The following TBC1D8 variants were observed in gnomAD, a reference collection of about 807,000 sequenced individuals.
The protein encoded by TBC1D8 is TBC1 domain family member 8.
TBC1D8 carries 65 observed loss-of-function variants against 118.8 expected under a neutral mutation model. The observed-to-expected ratio is 0.55, with a 90% CI of 0.45 to 0.67. The LOEUF (loss-of-function observed/expected upper bound fraction) is 0.67. TBC1D8 is among the 30% of genes least tolerant of loss of function. TBC1D8 has a pLI of 0.00. For missense variants in TBC1D8, 1,376 were observed against 1,471.2 expected, an observed-to-expected ratio of 0.94 and a Z score of 1.06; for synonymous variants, 566 against 595.8, an observed-to-expected ratio of 0.95 and a Z score of 0.73.
chr2:101,010,398 G>T (rs899414447), intron 19 of TBC1D8, among the ~76,000 whole-genome samples: 1 of 152,130 alleles, frequency 6.6e-6, no homozygotes, highest in African/African-American at 2.4e-5. Flanking sequence ...CTGGATAAAT[G>T]AATTTTATAC....
chr2:101,074,710 T>G (rs925244390), intron 2 of TBC1D8, among the ~76,000 whole-genome samples: 1 of 152,202 alleles, frequency 6.6e-6, no homozygotes, highest in Non-Finnish European at 1.5e-5. Flanking sequence ...TATGGGAACA[T>G]TGTTAGAAAT....
At chr2:101,035,966 C>CTA in intron 9 of TBC1D8, 52 bp downstream of exon 9, 1 of 1,603,770 alleles carries the variant, frequency 6.2e-7, no homozygotes, top group Non-Finnish European at 8.5e-7. Context: ...CGGGCTGTTC[C>CTA]TGTGTCCATG....
intron 1 of TBC1D8, among the ~76,000 whole-genome samples, chr2:101,131,053 CTTTATTTTA>C (rs1332497546): frequency 9.5e-6 from 1 of 105,400 alleles, no homozygotes; most frequent in Non-Finnish European, 1.9e-5. Context: ...AACCTCACCT[CTTTATTTTA>C]TTTATTTATT....
chr2:101,095,397 C>T (rs1490593290), intron 1 of TBC1D8, among the ~76,000 whole-genome samples: 4 of 133,934 alleles, frequency 3.0e-5, no homozygotes, highest in African/African-American at 8.2e-5. Context: ...GCTATCTCCC[C>T]CCCCCTCCCC....
Position 101,103,024 on chromosome 2 carries a change from C to T in TBC1D8, c.128-12660G>A, listed in dbSNP as rs79282311. On this transcript the variant is annotated intron_variant, in intron 1 of 19. Transcript: ENST00000409318. ...CATTCTATTACAGTAAGGAGGCCAA[C>T]GTTCCTGTAATATAGTAAAATCAAA... Among the ~76,000 whole-genome samples, 391 of 152,136 alleles carry T rather than the reference C, an allele frequency of 2.6e-3. 14 individuals are homozygous for T. The East Asian group carries it at 0.071, about 28-fold the overall frequency.
chr2:101,022,485 TG>T lies in TBC1D8; in HGVS notation c.2556del (p.Arg853GlyfsTer19). ...EHMMSCYWEQ[P>X]RPMASRHDPS... Reference sequence around the variant, plus strand: ...GGGTCGTGGCGTGAGGCCATGGGCCTGGGCTGCTCCCAGTAACAGCTCATCA... The same window carrying T: ...GGGTCGTGGCGTGAGGCCATGGGCCTGGCTGCTCCCAGTAACAGCTCATCA... On this transcript the variant is annotated frameshift_variant, in exon 16 of 20. Transcript: ENST00000409318. LOFTEE classifies it high-confidence loss of function. 6.2e-7 allele frequency: 1 copy of T among 1,602,056 alleles called. No individual in the cohort carries two copies. Among genetic ancestry groups the T allele is most frequent in the Non-Finnish European group, 8.5e-7 (1 of 1,176,778 alleles).
intron 2 of TBC1D8, among the ~76,000 whole-genome samples, chr2:101,088,789 C>A (rs1185602095): frequency 4.6e-5 from 7 of 152,090 alleles, no homozygotes; most frequent in Non-Finnish European, 1.0e-4. Flanking sequence ...CCAGGCTGGC[C>A]TTGAACTCCT....
chr2:101,137,451 T>C (rs1381555086), intron 1 of TBC1D8, among the ~76,000 whole-genome samples: 2 of 152,168 alleles, frequency 1.3e-5, no homozygotes, highest in African/African-American at 2.4e-5. Context: ...TAGCTGGGAC[T>C]ACAGGCGCCC....
chr2:101,121,265 C>G (rs767288067), intron 1 of TBC1D8, among the ~76,000 whole-genome samples: 1 of 152,204 alleles, frequency 6.6e-6, no homozygotes, highest in Non-Finnish European at 1.5e-5. Context: ...CCTGTTTGAA[C>G]GTGTCATTCC....
chr2:101,058,365 G>T (rs1315900676), intron 3 of TBC1D8, among the ~76,000 whole-genome samples: 1 of 152,188 alleles, frequency 6.6e-6, no homozygotes, highest in Admixed American at 6.5e-5. Context: ...AGCACTTGAC[G>T]TATTAGAAAG....
At chr2:101,083,235 C>G (rs928362390) in intron 2 of TBC1D8, among the ~76,000 whole-genome samples, 20 of 152,146 alleles carry the variant, frequency 1.3e-4, no homozygotes, top group African/African-American at 4.8e-4. Context: ...AAGCTCTGTC[C>G]TAGGCATCAG....
At chr2:101,087,264 G>A (rs1161406365) in intron 2 of TBC1D8, among the ~76,000 whole-genome samples, 1 of 151,964 alleles carries the variant, frequency 6.6e-6, no homozygotes, top group African/African-American at 2.4e-5. Flanking sequence ...ACTGGCAAAT[G>A]GGAAAAAACA....
At chr2:101,144,978 A>C (rs1450013510) in intron 1 of TBC1D8, among the ~76,000 whole-genome samples, 4 of 152,180 alleles carry the variant, frequency 2.6e-5, no homozygotes, top group African/African-American at 9.6e-5. Context: ...TCCTTTATCC[A>C]GTGCCACCTA....
intron 1 of TBC1D8, among the ~76,000 whole-genome samples, chr2:101,124,324 A>T (rs1678260528): frequency 6.6e-6 from 1 of 152,224 alleles, no homozygotes; most frequent in African/African-American, 2.4e-5. Flanking sequence ...GCAGTGGGTG[A>T]CTAAGACAAG....
intron 8 of TBC1D8, among the ~76,000 whole-genome samples, 194 bp from the exon 9 acceptor site, chr2:101,036,362 T>C (rs1681012003): frequency 1.3e-5 from 2 of 152,080 alleles, no homozygotes; most frequent in African/African-American, 2.4e-5. Context: ...CAAAGATGAA[T>C]AACACAGGGT....
In TBC1D8 at chr2:101,027,256, G is replaced by T; in HGVS notation, c.2520+127C>A. 6.5e-6 allele frequency: 5 copies of T among 773,204 alleles called. No homozygotes were observed. The Admixed American group carries it at 7.0e-5, about 11-fold the overall frequency. The allele number at this position is 773,204 out of a possible 1,614,324, so 47.9% of individuals were successfully genotyped here. ...TAGGCAGGCTAAGACAGCTTCAAGG[G>T]GGGCAGCTCCGGCCTCTGCTCCACG... On this transcript the variant is annotated intron_variant, in intron 15 of 19. Coordinates refer to ENST00000409318, the MANE Select transcript of TBC1D8 (RefSeq NM_001330348.2).
At chr2:101,026,592 G>T (rs1680350919) in intron 15 of TBC1D8, among the ~76,000 whole-genome samples, 1 of 152,138 alleles carries the variant, frequency 6.6e-6, no homozygotes, top group African/African-American at 2.4e-5. Context: ...AGGGAAAGGG[G>T]CTTGGAGCCC....
intron 17 of TBC1D8, among the ~76,000 whole-genome samples, chr2:101,013,470 A>G (rs1213415346): frequency 2.0e-5 from 3 of 152,350 alleles, no homozygotes; most frequent in East Asian, 3.9e-4. Context: ...AATTTCTATT[A>G]AAGTGTTCAT....
chr2:101,010,852 A>T, intron 19 of TBC1D8, 77 bp downstream of exon 19: 1 of 1,281,730 alleles, frequency 7.8e-7, no homozygotes, highest in Non-Finnish European at 1.1e-6. Flanking sequence ...ACTGTACTCC[A>T]GCCTGGGCGA....
Sources: allele counts gnomAD v4.1 joint callset (sites outside exome capture counted in the v4.1 genomes callset), GRCh38; gene constraint gnomAD v4.1.1; transcripts MANE v1.5; gene names NCBI Gene and HGNC (gene_info 2026-07-23, HGNC 2026-07-21).